Variants in MAPKAPK3 observed in about 807,000 individuals in gnomAD.
MAPKAPK3 encodes the protein MAP kinase-activated protein kinase 3.
MAPKAPK3 carries 35 observed loss-of-function variants against 49.2 expected under a neutral mutation model. The ratio of observed to expected loss-of-function variants is 0.71; its 90% CI spans 0.54 to 0.94. MAPKAPK3 has a LOEUF of 0.94. MAPKAPK3 is among the 40% of genes least tolerant of loss of function. The pLI, the probability that MAPKAPK3 is intolerant of heterozygous loss-of-function variation, is 0.00. For missense variants in MAPKAPK3, 398 were observed against 493.1 expected (o/e 0.81, Z 1.83); for synonymous variants, 178 against 188.7 (o/e 0.94, Z 0.46).
chr3:50,645,771 C>A lies in MAPKAPK3; in HGVS notation c.690C>A (p.Val230=). 2 of 1,614,094 alleles carry A rather than the reference C, an allele frequency of 1.2e-6. No homozygotes were observed. The highest frequency in any genetic ancestry group is 8.5e-7 in the Non-Finnish European group (1 of 1,179,972). The stretch of plus-strand genomic sequence containing the variant: ...CATGTGACATGTGGTCCCTGGGTGT[C>A]ATCATGTACATCCTGTGAGTACCTT... ...DKSCDMWSLG[V]IMYILLCGFP... is the part of the protein sequence containing the mutation. The change falls in exon 7 of 11, where the codon GTC becomes GTA. Residue 230 remains valine, a synonymous_variant. Coordinates refer to ENST00000621469, the MANE Select transcript of MAPKAPK3 (RefSeq NM_001243925.2).
At chr3:50,621,597 CAA>C (rs57325539) in intron 2 of MAPKAPK3, among the ~76,000 whole-genome samples, 2 of 41,774 alleles carry the variant, frequency 4.8e-5, no homozygotes, top group Non-Finnish European at 4.8e-5. Context: ...GGCTGTGTCT[CAA>C]AAAAAAAAAA....
chr3:50,646,897 G>A (rs1384436766), intron 9 of MAPKAPK3, 72 bp downstream of exon 9: 9 of 1,491,602 alleles, frequency 6.0e-6, no homozygotes, highest in South Asian at 1.1e-5. Context: ...GAGGGTGGTG[G>A]CTCTGCTTTG....
intron 2 of MAPKAPK3, among the ~76,000 whole-genome samples, chr3:50,630,381 G>A (rs930905972): frequency 2.0e-5 from 3 of 152,238 alleles, no homozygotes; most frequent in Non-Finnish European, 2.9e-5. Flanking sequence ...ACATGGGCAG[G>A]CCTGTACAGT....
chr3:50,619,173 G>A (rs781166842), intron 2 of MAPKAPK3, among the ~76,000 whole-genome samples: 3 of 152,204 alleles, frequency 2.0e-5, no homozygotes, highest in Non-Finnish European at 2.9e-5. Flanking sequence ...TACATTTAAA[G>A]CACTTGGTAC....
upstream of MAPKAPK3, chr3:50,611,774 TGA>T (rs909048758): frequency 4.6e-6 from 6 of 1,296,130 alleles, no homozygotes; most frequent in African/African-American, 7.8e-5. Context: ...GGACAGGGAC[TGA>T]GAGGCAGTGG....
intron 2 of MAPKAPK3, among the ~76,000 whole-genome samples, chr3:50,630,102 G>C (rs1291051469): frequency 6.6e-6 from 1 of 152,232 alleles, no homozygotes; most frequent in African/African-American, 2.4e-5. Flanking sequence ...CTCCTTTCTT[G>C]TGAGTTCCCT....
rs770566375 is a variant in MAPKAPK3 at position 50,644,557 on chromosome 3, A to G, written c.628+25A>G. On this transcript the variant is annotated intron_variant, in intron 6 of 10. Coordinates refer to ENST00000621469, the MANE Select transcript of MAPKAPK3 (RefSeq NM_001243925.2). ...GGTGAGTCCTTCGGACATGAGTTGT[A>G]ACTCCTCACCCCAACTTATACAGCT... 2.5e-6 allele frequency: 4 copies of G among 1,613,120 alleles called. No individual in the cohort carries two copies. The South Asian group carries it at 4.4e-5, about 18-fold the overall frequency.
Position 50,647,195 on chromosome 3 carries a change from G to T in MAPKAPK3, c.988G>T (p.Glu330Ter), listed in dbSNP as rs768275251. 6.9e-6 allele frequency: 11 copies of T among 1,589,194 alleles called. No homozygotes were observed. Among genetic ancestry groups the T allele is most frequent in the Non-Finnish European group, 9.4e-6 (11 of 1,167,500 alleles). ...VLQEDKDHWD[E>*]VKEEMTSALA... Reference sequence around the variant, plus strand: ...GCAGGAGGACAAAGACCACTGGGACGAAGTCAAGGTGGGTGGGCTCTGCCT... The same window carrying T: ...GCAGGAGGACAAAGACCACTGGGACTAAGTCAAGGTGGGTGGGCTCTGCCT... The change falls in exon 10 of 11, where the codon GAA becomes TAA. Residue 330 changes from glutamate to a stop codon, truncating the protein, a stop_gained. Coordinates refer to ENST00000621469, the MANE Select transcript of MAPKAPK3 (RefSeq NM_001243925.2). LOFTEE classifies it high-confidence loss of function.
At position 50,640,428 on chromosome 3, in the gene MAPKAPK3, C is replaced by A; in HGVS notation, c.282C>A (p.Gly94=). The change falls in exon 3 of 11, where the codon GGC becomes GGA. Residue 94 remains glycine, a synonymous_variant. Coordinates refer to ENST00000621469, the MANE Select transcript of MAPKAPK3 (RefSeq NM_001243925.2). ...ACCATCACTGGCAGGCTTCTGGCGGCCCCCATATTGTCTGCATCCTGGATG... is the reference window on the plus strand; with the variant it reads ...ACCATCACTGGCAGGCTTCTGGCGGACCCCATATTGTCTGCATCCTGGATG... ...EVDHHWQASG[G]PHIVCILDVY... is the part of the protein sequence containing the mutation. 1 of 1,614,116 alleles carries A rather than the reference C, an allele frequency of 6.2e-7. No homozygotes were observed. The highest frequency in any genetic ancestry group is 1.1e-5 in the South Asian group (1 of 91,086).
intron 2 of MAPKAPK3, among the ~76,000 whole-genome samples, chr3:50,634,459 G>T (rs1425671660): frequency 6.6e-6 from 1 of 151,866 alleles, no homozygotes; most frequent in African/African-American, 2.4e-5. Flanking sequence ...GGGCCCGTTG[G>T]GTTGTCAGAA....
At chr3:50,616,813 C>T (rs2032474779), upstream of MAPKAPK3, among the ~76,000 whole-genome samples, 1 of 152,066 alleles carries the variant, frequency 6.6e-6, no homozygotes, top group Non-Finnish European at 1.5e-5. Flanking sequence ...GAGCAAACAC[C>T]CGACTCAAGG....
intron 2 of MAPKAPK3, among the ~76,000 whole-genome samples, chr3:50,626,793 T>C (rs930229395): frequency 3.3e-5 from 5 of 152,116 alleles, no homozygotes; most frequent in Non-Finnish European, 5.9e-5. Flanking sequence ...CAGGGTCACG[T>C]AGTATGGACA....
At chr3:50,643,991 C>T (rs2033234214) in intron 5 of MAPKAPK3, among the ~76,000 whole-genome samples, 1 of 152,164 alleles carries the variant, frequency 6.6e-6, no homozygotes, top group East Asian at 1.9e-4. Flanking sequence ...CCTGAGCAAC[C>T]TCAGATGGGG....
intron 2 of MAPKAPK3, among the ~76,000 whole-genome samples, chr3:50,627,061 G>A (rs2032766190): frequency 6.6e-6 from 1 of 151,934 alleles, no homozygotes; most frequent in African/African-American, 2.4e-5. Context: ...GCACATGCTT[G>A]TAATACCAGC....
upstream of MAPKAPK3, chr3:50,611,793 C>A: frequency 8.5e-7 from 1 of 1,173,046 alleles, no homozygotes; most frequent in Non-Finnish European, 1.1e-6. Flanking sequence ...GTGGCGCGGA[C>A]CGCCTGCGAG....
chr3:50,617,641 G>A lies in MAPKAPK3; in HGVS notation c.76G>A (p.Gly26Ser), dbSNP rs1436891964. 6.2e-7 allele frequency: 1 copy of A among 1,609,108 alleles called. No homozygotes were observed. The highest frequency in any genetic ancestry group is 8.5e-7 in the Non-Finnish European group (1 of 1,176,478). ...TGCACCCGGCGGACCCGGCTTGGGC[G>A]GTGCTCCGGGGGGGCGGCGGGAGCC... is the stretch of plus-strand genomic sequence containing the variant. Reference protein sequence around the residue: ...PVAPGGPGLGGAPGGRREPKK... With the variant: ...PVAPGGPGLGSAPGGRREPKK... Residue 26 changes from glycine (G) to serine (S), a missense_variant, in exon 2 of 11, where the codon GGT (glycine) becomes AGT (serine). Coordinates refer to ENST00000621469, the MANE Select transcript of MAPKAPK3 (RefSeq NM_001243925.2).
At chr3:50,646,375 CT>C in intron 8 of MAPKAPK3, 111 bp downstream of exon 8, 1 of 1,473,688 alleles carries the variant, frequency 6.8e-7, no homozygotes. Context: ...GGCTCCCCCT[CT>C]TTCCAGCTAT....
chr3:50,640,743 A>G (rs2033161223), intron 3 of MAPKAPK3, among the ~76,000 whole-genome samples: 1 of 152,198 alleles, frequency 6.6e-6, no homozygotes, highest in African/African-American at 2.4e-5. Flanking sequence ...GGCCTCCCTG[A>G]GTGTGATTTC....
rs180796614 is a variant in MAPKAPK3 at position 50,622,691 on chromosome 3, G to C, written c.219+4907G>C. ...GCTCAGAGATAAGCCACAGAGAAATGCTATTTCTACTCTCCTAAGATCTGG... is the reference window on the plus strand; with the variant it reads ...GCTCAGAGATAAGCCACAGAGAAATCCTATTTCTACTCTCCTAAGATCTGG... On this transcript the variant is annotated intron_variant, in intron 2 of 10. Coordinates refer to ENST00000621469, the MANE Select transcript of MAPKAPK3 (RefSeq NM_001243925.2). 2.2e-3 allele frequency among the ~76,000 whole-genome samples: 338 copies of C among 152,244 alleles called. 1 individual carries two copies. The highest frequency in any genetic ancestry group is 7.9e-3 in the African/African-American group (328 of 41,542).
Sources: allele counts gnomAD v4.1 joint callset (sites outside exome capture counted in the v4.1 genomes callset), GRCh38; gene constraint gnomAD v4.1.1; transcripts MANE v1.5; gene names NCBI Gene and HGNC (gene_info 2026-07-23, HGNC 2026-07-21).